Variants in EYS observed in about 807,000 individuals in gnomAD.
EYS encodes the protein EGF-like photoreceptor maintenance factor, also known as protein eyes shut homolog.
EYS carries 250 observed loss-of-function variants against 282.1 expected under a neutral mutation model. The observed-to-expected ratio is 0.89, with a 90% confidence interval of 0.80 to 0.98. EYS has a LOEUF of 0.98. Ranked by LOEUF, EYS falls within the 50% of genes least tolerant of loss-of-function variation. The pLI, the probability that EYS is intolerant of heterozygous loss-of-function variation, is 0.00. For synonymous variants in EYS, 1,355 were observed against 1,282.9 expected, an observed-to-expected ratio of 1.06 and a Z score of -1.20; for missense variants, 4,016 against 3,709.0, an observed-to-expected ratio of 1.08 and a Z score of -2.15.
intron 19 of EYS, among the ~76,000 whole-genome samples, chr6:64,866,278 G>T (rs9345559): frequency 0.16 from 23,585 of 151,640 alleles, 2,158 homozygotes; most frequent in East Asian, 0.49. Flanking sequence ...TCTATTTTAG[G>T]GAAATATTTA....
At chr6:64,140,762 G>T (rs2150287881) in intron 31 of EYS, among the ~76,000 whole-genome samples, 1 of 152,236 alleles carries the variant, frequency 6.6e-6, no homozygotes, top group Non-Finnish European at 1.5e-5. Flanking sequence ...CACTGGGAAT[G>T]ATAAAAAGCT....
intron 24 of EYS, among the ~76,000 whole-genome samples, chr6:64,595,623 G>A (rs1256204302): frequency 6.6e-6 from 1 of 152,068 alleles, no homozygotes; most frequent in Non-Finnish European, 1.5e-5. Flanking sequence ...ACAAAATTTA[G>A]CATTGTTTCC....
At chr6:64,762,670 AACACACACACATGCACACAC>A (rs1369462559) in intron 22 of EYS, among the ~76,000 whole-genome samples, 1 of 151,500 alleles carries the variant, frequency 6.6e-6, no homozygotes, top group African/African-American at 2.4e-5. Context: ...GGAGAATGTA[AACACACACACATGCACACAC>A]ACACACACAC....
intron 19 of EYS, among the ~76,000 whole-genome samples, chr6:64,838,722 A>G (rs1765468443): frequency 6.6e-6 from 1 of 151,912 alleles, no homozygotes; most frequent in Admixed American, 6.6e-5. Context: ...CATTAAATAA[A>G]TGCTATCAGA....
chr6:65,302,660 C>CAA, intron 11 of EYS: 1 of 1,350,130 alleles, frequency 7.4e-7, no homozygotes, highest in Non-Finnish European at 1.1e-6. Flanking sequence ...GCGCTGTTTT[C>CAA]GACGGGTGTG....
chr6:64,922,711 A>G (rs949404125), intron 15 of EYS, among the ~76,000 whole-genome samples: 1 of 152,062 alleles, frequency 6.6e-6, no homozygotes, highest in Non-Finnish European at 1.5e-5. Flanking sequence ...TCTTGACCCA[A>G]CATCCCTTTA....
At chr6:65,313,196 T>C (rs1254087092) in intron 11 of EYS, among the ~76,000 whole-genome samples, 2 of 152,104 alleles carry the variant, frequency 1.3e-5, no homozygotes, top group African/African-American at 4.8e-5. Context: ...CCGGGGCCTA[T>C]TCTTGTACCT....
At chr6:64,693,771 G>A (rs1439676048) in intron 22 of EYS, among the ~76,000 whole-genome samples, 1 of 151,804 alleles carries the variant, frequency 6.6e-6, no homozygotes, top group East Asian at 1.9e-4. Flanking sequence ...AATAAAGAAG[G>A]CTTTATAAAA....
intron 31 of EYS, among the ~76,000 whole-genome samples, chr6:64,103,666 C>T (rs1772909177): frequency 1.3e-5 from 2 of 152,128 alleles, no homozygotes; most frequent in African/African-American, 2.4e-5. Context: ...ATTCTGCAGT[C>T]AGGAACATTA....
intron 22 of EYS, among the ~76,000 whole-genome samples, chr6:64,759,697 A>G (rs1029176841): frequency 2.0e-5 from 3 of 152,204 alleles, no homozygotes; most frequent in African/African-American, 7.2e-5. Flanking sequence ...CTAATAATCC[A>G]CAAATGATTG....
intron 30 of EYS, among the ~76,000 whole-genome samples, chr6:64,270,837 A>G (rs1767918807): frequency 6.6e-6 from 1 of 152,106 alleles, no homozygotes; most frequent in African/African-American, 2.4e-5. Context: ...GCTTTCCTTT[A>G]TATCTTTTGT....
At chr6:64,696,580 A>G (rs1045606787) in intron 22 of EYS, among the ~76,000 whole-genome samples, 6 of 152,252 alleles carry the variant, frequency 3.9e-5, no homozygotes, top group Non-Finnish European at 7.4e-5. Context: ...AATATGTTGG[A>G]AAAAAATTTC....
chr6:64,842,093 A>T (rs924091825), intron 19 of EYS, among the ~76,000 whole-genome samples: 1 of 151,908 alleles, frequency 6.6e-6, no homozygotes, highest in Admixed American at 6.6e-5. Flanking sequence ...ACTATCTGTT[A>T]CTCTCTATCA....
chr6:64,544,049 A>T (rs1035190803), intron 26 of EYS, among the ~76,000 whole-genome samples: 5 of 152,196 alleles, frequency 3.3e-5, no homozygotes, highest in African/African-American at 7.2e-5. Flanking sequence ...AGGAATTATT[A>T]TCTACAAAAC....
chr6:65,038,176 A>C (rs1554144750), intron 13 of EYS, among the ~76,000 whole-genome samples: 1 of 151,628 alleles, frequency 6.6e-6, no homozygotes, highest in Non-Finnish European at 1.5e-5. Flanking sequence ...ACGTATGTAG[A>C]TTAGATGGGT....
chr6:65,653,368 G>A (rs968439536), intron 1 of EYS, among the ~76,000 whole-genome samples: 1 of 151,938 alleles, frequency 6.6e-6, no homozygotes, highest in African/African-American at 2.4e-5. Context: ...TAAAAAGAGT[G>A]AATCTAGAGA....
At chr6:64,707,549 G>A (rs1179495255) in intron 22 of EYS, among the ~76,000 whole-genome samples, 5 of 151,516 alleles carry the variant, frequency 3.3e-5, no homozygotes, top group African/African-American at 4.8e-5. Flanking sequence ...GGCGCCTGTA[G>A]TCCCAGCTAC....
intron 31 of EYS, among the ~76,000 whole-genome samples, chr6:64,191,075 T>G (rs1399752791): frequency 6.6e-6 from 1 of 152,134 alleles, no homozygotes; most frequent in East Asian, 1.9e-4. Context: ...TCTTACTGAC[T>G]TACAGGAATT....
intron 2 of EYS, among the ~76,000 whole-genome samples, chr6:65,619,096 A>G (rs994210016): frequency 1.3e-5 from 2 of 151,776 alleles, no homozygotes; most frequent in Admixed American, 1.3e-4. Flanking sequence ...GAAGAAAGGC[A>G]TTGGTAGATT....
Sources: gnomAD v4.1 joint callset for allele counts (sites outside exome capture counted in the v4.1 genomes callset) on GRCh38, gnomAD v4.1.1 for gene constraint, MANE v1.5 for transcripts, NCBI Gene and HGNC (gene_info 2026-07-23, HGNC 2026-07-21) for gene names.